SPATA22: variants seen among roughly 807,000 people sequenced by gnomAD.
SPATA22 encodes spermatogenesis-associated protein 22.
SPATA22 carries 29 observed loss-of-function variants against 47.8 expected under a neutral mutation model. That is an observed-to-expected ratio of 0.61 (90% CI 0.45 to 0.83). The LOEUF is 0.83. Ranked by LOEUF, SPATA22 falls within the 40% of genes least tolerant of loss-of-function variation. SPATA22 has a pLI of 0.00. For synonymous variants in SPATA22, 133 were observed against 140.9 expected (o/e 0.94, Z 0.40); for missense variants, 410 against 421.7 (o/e 0.97, Z 0.24).
At chr17:3,460,814 A>AAAAAAAAAAAAAAAAAAAAAAG (rs1555535972) in intron 5 of SPATA22, among the ~76,000 whole-genome samples, 1 of 140,106 alleles carries the variant, frequency 7.1e-6, no homozygotes, top group Non-Finnish European at 1.5e-5. Flanking sequence ...AAAAAAAAAA[A>AAAAAAAAAAAAAAAAAAAAAAG]GATTAAAAAT....
Position 3,462,753 on chromosome 17 carries a change from C to T in SPATA22, c.187G>A (p.Ala63Thr), listed in dbSNP as rs772420820. The T allele has an allele frequency of 6.2e-7, 1 of 1,612,316 alleles. No individual in the cohort carries two copies. The highest frequency in any genetic ancestry group is 1.3e-5 in the African/African-American group (1 of 75,010). The change falls in exon 4 of 9, where the codon GCT becomes ACT. Residue 63 changes from alanine to threonine, a missense_variant. Physicochemically the swap from Ala to Thr is moderately conservative, Grantham distance 58 (BLOSUM62 0). Transcript: ENST00000572969. Reference protein sequence around the residue: ...PPLPTDWAWEAVNPELAPVMK... With the variant: ...PPLPTDWAWETVNPELAPVMK... The stretch of plus-strand genomic sequence containing the variant: ...ACAGGAGCCAACTCTGGATTCACAG[C>T]TTCCCAGGCCCAATCTCAAAAGATA...
In SPATA22 at chr17:3,459,551, A is replaced by G. The variant is rs1203129839; in HGVS notation, c.329+2932T>C. ...CTCCCAAGTAGCTGGGATTACAGGC[A>G]TGCGCCACCACGCCTGGCTAATTTT... On this transcript the variant is annotated intron_variant, in intron 5 of 8. Coordinates refer to ENST00000572969, the MANE Select transcript of SPATA22 (RefSeq NM_001170698.2). Among the ~76,000 whole-genome samples the G allele has an allele frequency of 2.6e-5, 4 of 152,244 alleles. No homozygotes were observed. The East Asian group carries it at 7.7e-4, about 29-fold the overall frequency.
chr17:3,466,368 T>C (rs2073315092), intron 3 of SPATA22, among the ~76,000 whole-genome samples: 2 of 151,968 alleles, frequency 1.3e-5, no homozygotes, highest in Non-Finnish European at 2.9e-5. Context: ...ACAACAACCA[T>C]TAAGACCTCC....
chr17:3,444,683 C>T (rs1302302989), intron 7 of SPATA22, among the ~76,000 whole-genome samples: 1 of 151,906 alleles, frequency 6.6e-6, no homozygotes, highest in Non-Finnish European at 1.5e-5. Flanking sequence ...TTTTCAGTTG[C>T]GTGAATAATT....
upstream of SPATA22, among the ~76,000 whole-genome samples, chr17:3,476,680 T>C (rs1026470611): frequency 4.6e-5 from 7 of 152,212 alleles, no homozygotes; most frequent in African/African-American, 1.7e-4. Context: ...AGGGTTTTGT[T>C]TTAAAATCAT....
chr17:3,440,917 C>T (rs1178580732), intron 8 of SPATA22: 1 of 151,958 alleles, frequency 6.6e-6, no homozygotes, highest in East Asian at 1.9e-4. Flanking sequence ...ATTTCACAGA[C>T]TTGTATAGGT....
At chr17:3,454,726 T>C (rs1026925184) in intron 5 of SPATA22, among the ~76,000 whole-genome samples, 3 of 151,900 alleles carry the variant, frequency 2.0e-5, no homozygotes, top group African/African-American at 7.3e-5. Context: ...TGGTTCCAAG[T>C]CTTTGCTATT....
intron 1 of SPATA22, among the ~76,000 whole-genome samples, chr17:3,509,983 C>CA (rs2074091487): frequency 6.6e-6 from 1 of 152,142 alleles, no homozygotes; most frequent in South Asian, 2.1e-4. Context: ...AGTGTCTGTT[C>CA]ATATCCTTTG....
intron 1 of SPATA22, among the ~76,000 whole-genome samples, chr17:3,505,950 G>C (rs1390871420): frequency 1.3e-5 from 2 of 152,056 alleles, no homozygotes; most frequent in Non-Finnish European, 2.9e-5. Context: ...TAGAGATGGG[G>C]TTTCATCATA....
chr17:3,497,110 C>G (rs2073922194), intron 1 of SPATA22, among the ~76,000 whole-genome samples: 1 of 152,124 alleles, frequency 6.6e-6, no homozygotes, highest in African/African-American at 2.4e-5. Context: ...TTCCCAGGGG[C>G]TCTGATCTAA....
At chr17:3,470,020 G>A (rs1216516091) in intron 1 of SPATA22, among the ~76,000 whole-genome samples, 2 of 147,314 alleles carry the variant, frequency 1.4e-5, no homozygotes, top group East Asian at 2.0e-4. Flanking sequence ...TTGAGCCCGA[G>A]AGGCCGAGGT....
chr17:3,496,071 A>G (rs1168070356), intron 1 of SPATA22, among the ~76,000 whole-genome samples: 2 of 152,252 alleles, frequency 1.3e-5, no homozygotes, highest in African/African-American at 4.8e-5. Flanking sequence ...GAATGAGATC[A>G]GTAGCAAACT....
chr17:3,443,481 G>T (rs1254054529), intron 7 of SPATA22, among the ~76,000 whole-genome samples: 2 of 151,864 alleles, frequency 1.3e-5, no homozygotes, highest in African/African-American at 4.8e-5. Context: ...TCCAACTTAG[G>T]AACAGATTAT....
intron 1 of SPATA22, among the ~76,000 whole-genome samples, chr17:3,480,289 C>T (rs1478116081): frequency 5.3e-5 from 8 of 152,210 alleles, no homozygotes; most frequent in East Asian, 1.9e-4. Context: ...CACACAGAGC[C>T]GGCTGTACAG....
chr17:3,490,579 G>C lies in SPATA22; in HGVS notation c.-73-21181C>G, dbSNP rs1206914926. 6.6e-6 allele frequency among the ~76,000 whole-genome samples: 1 copy of C among 152,006 alleles called. No homozygotes were observed. The highest frequency in any genetic ancestry group is 6.5e-5 in the Admixed American group (1 of 15,272). On this transcript the variant is annotated intron_variant, in intron 1 of 8. Transcript: ENST00000541913. The surrounding 1 kb of genome is among the most constrained non-coding windows in gnomAD (Gnocchi z 4.6). ...ATCACAGACATTCGTTTTGTGCTTG[G>C]GAATCCTTTGACTCCAAAATCATGA... is the stretch of plus-strand genomic sequence containing the variant.
At chr17:3,505,888 G>A (rs1028084382) in intron 1 of SPATA22, among the ~76,000 whole-genome samples, 4 of 152,030 alleles carry the variant, frequency 2.6e-5, no homozygotes, top group African/African-American at 7.2e-5. Context: ...CTCCTGGGTA[G>A]TTGAGATTAC....
At chr17:3,445,277 C>G (rs1012920450) in intron 7 of SPATA22, among the ~76,000 whole-genome samples, 6 of 152,088 alleles carry the variant, frequency 3.9e-5, no homozygotes, top group Non-Finnish European at 8.8e-5. Flanking sequence ...TACGTGGCTA[C>G]TGGTAAGAAC....
chr17:3,485,879 T>C lies in SPATA22; in HGVS notation c.-73-16481A>G, dbSNP rs1288434364. On this transcript the variant is annotated intron_variant, in intron 1 of 8. Transcript: ENST00000541913. The surrounding 1 kb of genome is among the most constrained non-coding windows in gnomAD (Gnocchi z 4.4). ...AAGCTCCAGTTCCCACAGGGTGACATAGAGAGAGCCAGATGGCAGCTATCC... is the reference window on the plus strand; with the variant it reads ...AAGCTCCAGTTCCCACAGGGTGACACAGAGAGAGCCAGATGGCAGCTATCC... Among the ~76,000 whole-genome samples, 3 of 151,482 alleles carry C rather than the reference T, an allele frequency of 2.0e-5. No individual in the cohort carries two copies. The highest frequency in any genetic ancestry group is 7.3e-5 in the African/African-American group (3 of 41,222).
At chr17:3,502,824 A>C (rs763435101) in intron 1 of SPATA22, 5 of 152,238 alleles carry the variant, frequency 3.3e-5, no homozygotes, top group African/African-American at 9.6e-5. Flanking sequence ...TTTTGAAAGA[A>C]TATGCCCACC....
Sources: allele counts gnomAD v4.1 joint callset (sites outside exome capture counted in the v4.1 genomes callset), GRCh38; gene constraint gnomAD v4.1.1; non-coding constraint Gnocchi (gnomAD v3.1); transcripts MANE v1.5; gene names NCBI Gene and HGNC (gene_info 2026-07-23, HGNC 2026-07-21).